Variants in SYCP2L observed in about 807,000 individuals in gnomAD.
The protein encoded by SYCP2L is synaptonemal complex protein 2 like.
A neutral mutation model predicts 125.8 loss-of-function variants in SYCP2L; 98 were observed. That is an observed-to-expected ratio of 0.78 (90% CI 0.66 to 0.92). The LOEUF is 0.92. Among genes scored for constraint, SYCP2L ranks in the 40% least tolerant of loss-of-function variants. SYCP2L has a pLI of 0.00. For synonymous variants in SYCP2L, 317 were observed against 325.4 expected (o/e 0.97, Z 0.28); for missense variants, 842 against 936.4 (o/e 0.90, Z 1.32).
chr6:10,926,017 A>G lies in SYCP2L; in HGVS notation c.1219-322A>G, dbSNP rs145519611. ...GGGAACTCACTACAGACTCATCCTG[A>G]AAGAGACTCAGTGCCTGAGAGAAGC... On this transcript the variant is annotated intron_variant, in intron 15 of 29. Coordinates refer to ENST00000283141, the MANE Select transcript of SYCP2L (RefSeq NM_001040274.3). Among the ~76,000 whole-genome samples the G allele has an allele frequency of 4.7e-4, 72 of 152,314 alleles. 1 individual carries two copies. The East Asian group carries it at 0.01, about 22-fold the overall frequency.
In SYCP2L at chr6:10,927,362, A is replaced by G; in HGVS notation, c.1435A>G (p.Ser479Gly). Residue 479 changes from serine (S) to glycine (G), a missense_variant, in exon 17 of 30, where the codon AGT becomes GGT. Transcript: ENST00000283141. Reference sequence around the variant, plus strand: ...TGTTATTGGGGAACCTGCCTCTGATAGTCACGTAGGTTCTTTTCTATTTTC... The same window carrying G: ...TGTTATTGGGGAACCTGCCTCTGATGGTCACGTAGGTTCTTTTCTATTTTC... ...PPVIGEPASD[S>G]HLQPVPPFGV... is the part of the protein sequence containing the mutation. The G allele has an allele frequency of 1.2e-6, 2 of 1,610,824 alleles. No homozygotes were observed. Among genetic ancestry groups the G allele is most frequent in the Non-Finnish European group, 1.7e-6 (2 of 1,177,740 alleles).
rs373646661 is a variant in SYCP2L, at chr6:10,961,316, T to A, written c.2267T>A (p.Leu756Gln). 1.9e-5 allele frequency: 31 copies of A among 1,613,980 alleles called. No individual in the cohort carries two copies. The highest frequency in any genetic ancestry group is 2.6e-5 in the Non-Finnish European group (31 of 1,179,960). The change falls in exon 27 of 30, where the codon CTA (leucine) becomes CAA (glutamine). Residue 756 changes from leucine to glutamine, a missense_variant. By Grantham distance (113) the Leu-to-Gln change is moderately radical (BLOSUM62 -2). Transcript: ENST00000283141. ...TTTATGTTTATTAGACTCAATAAACTAGAGCGCTTTCAAAATTTGGTTCTT... is the reference window on the plus strand; with the variant it reads ...TTTATGTTTATTAGACTCAATAAACAAGAGCGCTTTCAAAATTTGGTTCTT... ...NQMQLFRLNK[L>Q]ERFQNLVLQE...
At chr6:10,893,467 A>T (rs1025586149) in intron 2 of SYCP2L, among the ~76,000 whole-genome samples, 1 of 152,136 alleles carries the variant, frequency 6.6e-6, no homozygotes, top group African/African-American at 2.4e-5. Context: ...TAGGCTTGAA[A>T]TTTTTAGTGT....
At position 10,953,395 on chromosome 6, in the gene SYCP2L, CT is replaced by C. The variant is rs906818651; in HGVS notation, c.1955-1711del. ...ACTTCCTGTTCTGCCCCTTCTGGAA[CT>C]TTTTTTTTTCTTAGTGGCAAATTTG... On this transcript the variant is annotated intron_variant, in intron 23 of 29. Transcript: ENST00000283141. Among the ~76,000 whole-genome samples the C allele has an allele frequency of 1.6e-3, 244 of 150,194 alleles. 1 individual carries two copies. Among genetic ancestry groups the C allele is most frequent in the African/African-American group, 5.2e-3 (215 of 41,014 alleles).
chr6:10,891,373 T>A (rs1157280292), intron 1 of SYCP2L, 140 bp from the exon 2 acceptor site: 5 of 657,294 alleles, frequency 7.6e-6, no homozygotes, highest in African/African-American at 5.5e-5. Context: ...ACCTATAATA[T>A]GAGCAAACAA....
intron 21 of SYCP2L, 78 bp from the exon 22 acceptor site, chr6:10,942,381 A>T: frequency 1.1e-6 from 1 of 911,846 alleles, no homozygotes; most frequent in Non-Finnish European, 1.6e-6. Context: ...GATGAGATTT[A>T]ATATCTAGAA....
intron 14 of SYCP2L, among the ~76,000 whole-genome samples, chr6:10,914,483 G>A (rs780067963): frequency 6.6e-6 from 1 of 152,078 alleles, no homozygotes; most frequent in Non-Finnish European, 1.5e-5. Context: ...CTTTGGCTAC[G>A]TGGGCTCTTT....
chr6:10,916,815 C>G (rs1780702393), intron 14 of SYCP2L, among the ~76,000 whole-genome samples: 1 of 152,076 alleles, frequency 6.6e-6, no homozygotes, highest in African/African-American at 2.4e-5. Context: ...CATGGTGAAA[C>G]CCTGTCTCTA....
chr6:10,906,061 A>C lies in SYCP2L; in HGVS notation c.676+7A>C. On this transcript the variant is annotated splice_region_variant and intron_variant, in intron 9 of 29. Transcript: ENST00000283141. ...ACACTCTTGACTGTGGGTGGTAAGA[A>C]ATTTTAGAATTTTCAGTATTAGAAT... is the stretch of plus-strand genomic sequence containing the variant. 6.3e-7 allele frequency: 1 copy of C among 1,576,582 alleles called. No homozygotes were observed. The highest frequency in any genetic ancestry group is 8.7e-7 in the Non-Finnish European group (1 of 1,147,708).
chr6:10,891,434 T>TTTG, intron 1 of SYCP2L, 79 bp from the exon 2 acceptor site: 1 of 879,526 alleles, frequency 1.1e-6, no homozygotes, highest in Non-Finnish European at 1.7e-6. Flanking sequence ...TTTTTTTTTT[T>TTTG]TTTTGCTTTG....
chr6:10,926,784 T>TG (rs1198384770), intron 16 of SYCP2L, among the ~76,000 whole-genome samples: 2 of 149,700 alleles, frequency 1.3e-5, no homozygotes, highest in Non-Finnish European at 3.0e-5. Flanking sequence ...TTCTTTTCTT[T>TG]TTTTTTTTTT....
chr6:10,911,021 C>T lies in SYCP2L; in HGVS notation c.918+152C>T, dbSNP rs573926215. ...CTTCTAATGACCTCAGTTCTCAAACCGATCATACCATACCCTAACCAGAAT... is the reference window on the plus strand; with the variant it reads ...CTTCTAATGACCTCAGTTCTCAAACTGATCATACCATACCCTAACCAGAAT... On this transcript the variant is annotated intron_variant, in intron 12 of 29. Transcript: ENST00000283141. 1.9e-5 allele frequency: 15 copies of T among 801,992 alleles called. 1 individual carries two copies. Among genetic ancestry groups the T allele is most frequent in the South Asian group, 4.6e-5 (3 of 65,122 alleles). 49.7% of individuals were successfully genotyped at this position (801,992 alleles called of 1,614,324 possible). A position where few individuals can be genotyped will look rare whatever the true frequency, so the allele number is the denominator to read the frequency against.
At chr6:10,888,064 A>ATTT (rs1308972199) in intron 1 of SYCP2L, among the ~76,000 whole-genome samples, 1 of 89,674 alleles carries the variant, frequency 1.1e-5, no homozygotes, top group African/African-American at 4.0e-5. Context: ...AGGTGTTACC[A>ATTT]TCTTTTTTTT....
chr6:10,915,819 G>T (rs1265102443), intron 14 of SYCP2L, among the ~76,000 whole-genome samples: 1 of 152,118 alleles, frequency 6.6e-6, no homozygotes, highest in Non-Finnish European at 1.5e-5. Context: ...TGGTATTAGG[G>T]TGATACTGGC....
chr6:10,896,126 A>G (rs1226172797), intron 4 of SYCP2L, among the ~76,000 whole-genome samples: 1 of 152,210 alleles, frequency 6.6e-6, no homozygotes, highest in Non-Finnish European at 1.5e-5. Flanking sequence ...AGTCTGCGTG[A>G]CAGAGTGAGA....
rs9368453 is a variant in SYCP2L at position 10,894,022 on chromosome 6, G to A, written c.216+18G>A. On this transcript the variant is annotated intron_variant, in intron 3 of 29. Transcript: ENST00000283141. ...TAAATAAGGCAAGTTGGTTTGCTTT[G>A]TGACCAAAATACAAATGTATAATTA... 0.34 allele frequency: 542,743 copies of A among 1,602,782 alleles called. 97,178 individuals are homozygous for A. The highest frequency in any genetic ancestry group is 0.38 in the Non-Finnish European group (442,340 of 1,176,496).
intron 29 of SYCP2L, among the ~76,000 whole-genome samples, chr6:10,973,307 C>T (rs567019726): frequency 7.2e-5 from 11 of 152,170 alleles, no homozygotes; most frequent in Admixed American, 2.6e-4. Flanking sequence ...CCGAGGTGGG[C>T]GGATCACCTG....
intron 8 of SYCP2L, among the ~76,000 whole-genome samples, 197 bp downstream of exon 8, chr6:10,903,160 C>G (rs1271258693): frequency 6.6e-6 from 1 of 152,216 alleles, no homozygotes; most frequent in East Asian, 1.9e-4. Context: ...TGTGCCCAGG[C>G]GCCGTAGATC....
intron 14 of SYCP2L, among the ~76,000 whole-genome samples, chr6:10,914,794 G>C (rs1034198486): frequency 6.9e-6 from 1 of 145,176 alleles, no homozygotes; most frequent in Non-Finnish European, 1.5e-5. Context: ...CCAGGCTGGA[G>C]TGAGTACAGT....
Sources: allele counts gnomAD v4.1 joint callset (sites outside exome capture counted in the v4.1 genomes callset), GRCh38; gene constraint gnomAD v4.1.1; transcripts MANE v1.5; gene names NCBI Gene and HGNC (gene_info 2026-07-23, HGNC 2026-07-21).